DYNC2LI1: variants seen among roughly 807,000 people sequenced by gnomAD.
The protein encoded by DYNC2LI1 is cytoplasmic dynein 2 light intermediate chain 1.
DYNC2LI1 carries 45 observed loss-of-function variants against 51.9 expected under a neutral mutation model. The ratio of observed to expected loss-of-function variants is 0.87; its 90% CI spans 0.68 to 1.11. The LOEUF is 1.11. Among genes scored for constraint, DYNC2LI1 ranks in the 50% most tolerant of loss-of-function variants. DYNC2LI1 has a pLI of 0.00. For missense variants in DYNC2LI1, 490 were observed against 417.4 expected (o/e 1.17, Z -1.51); for synonymous variants, 130 against 137.8 (o/e 0.94, Z 0.40).
chr2:43,827,830 A>G, the DYNC2LI1 span, among the ~76,000 whole-genome samples: 378 of 152,268 alleles, frequency 2.5e-3, 3 homozygotes, highest in African/African-American at 8.8e-3. Flanking sequence ...CAGCATTTCC[A>G]AAAAAACTGG....
intron 8 of DYNC2LI1, among the ~76,000 whole-genome samples, chr2:43,797,122 G>C (rs1385607014): frequency 1.3e-5 from 2 of 152,038 alleles, no homozygotes; most frequent in South Asian, 4.1e-4. Context: ...TCCCCTAAAA[G>C]AAAAACAAAA....
chr2:43,800,758 A>G (rs1212506679), intron 8 of DYNC2LI1, 83 bp from the exon 9 acceptor site: 5 of 692,724 alleles, frequency 7.2e-6, no homozygotes, highest in Admixed American at 5.6e-5. Context: ...TGTAATCTGT[A>G]TTTGTTCAAA....
chr2:43,782,096 T>G (rs1673314818), intron 2 of DYNC2LI1, among the ~76,000 whole-genome samples: 1 of 151,926 alleles, frequency 6.6e-6, no homozygotes, highest in African/African-American at 2.4e-5. Flanking sequence ...TGATCTATTA[T>G]GAATGTTTTA....
intron 5 of DYNC2LI1, 133 bp downstream of exon 5, chr2:43,789,854 TA>T (rs1673696115): frequency 1.5e-6 from 1 of 653,398 alleles, no homozygotes; most frequent in African/African-American, 1.9e-5. Context: ...ACTTCCTTTC[TA>T]AATGCCTAAC....
rs180877110 is a variant in DYNC2LI1 at position 43,809,594 on chromosome 2, A to C, written c.994-111A>C. On this transcript the variant is annotated intron_variant, in intron 12 of 12. Transcript: ENST00000260605. ...TTGGCAAGAAATATTTAGAATGATA[A>C]TGCTACTAAGGATTCATTGATATAT... is the stretch of plus-strand genomic sequence containing the variant. The C allele has an allele frequency of 5.1e-4, 364 of 709,818 alleles. 4 individuals are homozygous for C. In the Middle Eastern group the frequency reaches 8.6e-3, roughly 17 times the overall value. The allele number at this position is 709,818 out of a possible 1,614,324, so 44.0% of individuals were successfully genotyped here.
At chr2:43,796,114 C>G (rs749906032) in intron 7 of DYNC2LI1, among the ~76,000 whole-genome samples, 156 bp downstream of exon 7, 1 of 151,822 alleles carries the variant, frequency 6.6e-6, no homozygotes, top group Admixed American at 6.6e-5. Flanking sequence ...ATAGTTGGGA[C>G]AGAAAAAAAT....
At chr2:43,813,269 G>A, downstream of DYNC2LI1, 2 of 1,613,916 alleles carry the variant, frequency 1.2e-6, no homozygotes, top group East Asian at 2.2e-5. Context: ...CTTGAGTGAA[G>A]GCACACATTG....
intron 4 of DYNC2LI1, among the ~76,000 whole-genome samples, chr2:43,788,010 G>T (rs1014489052): frequency 2.6e-5 from 4 of 152,134 alleles, no homozygotes; most frequent in African/African-American, 9.7e-5. Context: ...TATTAAAACT[G>T]AAATTTAAAG....
chr2:43,775,638 C>A, intron 1 of DYNC2LI1: 1 of 338,882 alleles, frequency 3.0e-6, no homozygotes, highest in Non-Finnish European at 5.6e-6. Context: ...GCTGGGACCA[C>A]GAGTGCATGT....
At chr2:43,789,584 A>G (rs767734280) in intron 4 of DYNC2LI1, 49 bp from the exon 5 acceptor site, 2 of 1,416,232 alleles carry the variant, frequency 1.4e-6, no homozygotes, top group Non-Finnish European at 2.0e-6. Context: ...TGCTAATGAC[A>G]TATAAGAAGT....
intron 5 of DYNC2LI1, chr2:43,792,902 A>G: frequency 3.3e-6 from 4 of 1,230,192 alleles, no homozygotes; most frequent in Non-Finnish European, 4.3e-6. Context: ...CCGTTAATCC[A>G]TGCAGAACAT....
chr2:43,816,039 A>G, the DYNC2LI1 span, among the ~76,000 whole-genome samples: 1 of 152,140 alleles, frequency 6.6e-6, no homozygotes, highest in Non-Finnish European at 1.5e-5. Context: ...CTGAGGTAGG[A>G]ACTGTGAACC....
chr2:43,797,515 C>CTTTTTTT (rs557695536), intron 8 of DYNC2LI1, among the ~76,000 whole-genome samples: 4 of 110,694 alleles, frequency 3.6e-5, no homozygotes, highest in Non-Finnish European at 5.2e-5. Flanking sequence ...AATATAACAA[C>CTTTTTTT]TTTTTTTTTT....
chr2:43,799,175 C>T (rs2104704895), intron 8 of DYNC2LI1, among the ~76,000 whole-genome samples: 1 of 152,132 alleles, frequency 6.6e-6, no homozygotes, highest in Non-Finnish European at 1.5e-5. Context: ...ATAGTGCATG[C>T]CTGTGATCCT....
chr2:43,825,154 C>T, the DYNC2LI1 span: 3 of 1,067,730 alleles, frequency 2.8e-6, no homozygotes, highest in African/African-American at 4.8e-5. Flanking sequence ...AATGCATTTC[C>T]CATAAGCAGT....
intron 1 of DYNC2LI1, among the ~76,000 whole-genome samples, chr2:43,775,405 G>A (rs112743230): frequency 1.3e-5 from 2 of 151,816 alleles, no homozygotes; most frequent in South Asian, 2.1e-4. Context: ...TGATTTTATC[G>A]TGTAAAGTTA....
At chr2:43,822,713 A>T in the DYNC2LI1 span, 1 of 1,477,554 alleles carries the variant, frequency 6.8e-7, no homozygotes, top group Admixed American at 2.0e-5. Context: ...AGAGAACTTC[A>T]CCCTGGAGCT....
chr2:43,824,944 G>A, the DYNC2LI1 span: 10 of 1,613,976 alleles, frequency 6.2e-6, no homozygotes, highest in African/African-American at 1.2e-4. Flanking sequence ...AGTCATTGAA[G>A]AAATCAAGCA....
At chr2:43,816,418 C>G in the DYNC2LI1 span, among the ~76,000 whole-genome samples, 4 of 149,738 alleles carry the variant, frequency 2.7e-5, no homozygotes, top group African/African-American at 9.8e-5. Flanking sequence ...AACCAACAGA[C>G]TTTGTGCAGG....
Sources: allele counts gnomAD v4.1 joint callset (sites outside exome capture counted in the v4.1 genomes callset), GRCh38; gene constraint gnomAD v4.1.1; transcripts MANE v1.5; gene names NCBI Gene and HGNC (gene_info 2026-07-23, HGNC 2026-07-21).